Variants in DCC observed in about 807,000 individuals in gnomAD.
The protein encoded by DCC is DCC netrin 1 receptor, also known as netrin receptor DCC.
A neutral mutation model predicts 172.5 loss-of-function variants in DCC; 58 were observed. The observed-to-expected ratio is 0.34, with a 90% CI of 0.27 to 0.42. DCC has a LOEUF of 0.42. DCC is among the 10% of genes least tolerant of loss of function. The probability of loss-of-function intolerance (pLI) is 1.00; values close to 1 mark genes in which losing one functional copy is unlikely to be tolerated. For missense variants in DCC, 1,740 were observed against 1,791.0 expected (o/e 0.97, Z 0.51); for synonymous variants, 709 against 644.5 (o/e 1.10, Z -1.52).
At chr18:52,897,182 T>A (rs1444047435) in intron 2 of DCC, among the ~76,000 whole-genome samples, 1 of 152,216 alleles carries the variant, frequency 6.6e-6, no homozygotes, top group Non-Finnish European at 1.5e-5. Context: ...CTTTCATTGC[T>A]TCAAGGATCT....
At chr18:53,081,548 C>T (rs1204421290) in intron 7 of DCC, among the ~76,000 whole-genome samples, 1 of 152,006 alleles carries the variant, frequency 6.6e-6, no homozygotes, top group Admixed American at 6.6e-5. Flanking sequence ...CCTCCACTCT[C>T]TGTGAAACCT....
chr18:53,529,570 TCAAAAGA>T (rs1910391293), intron 28 of DCC, among the ~76,000 whole-genome samples: 1 of 152,156 alleles, frequency 6.6e-6, no homozygotes, highest in Admixed American at 6.6e-5. Context: ...TCCTAACTCC[TCAAAAGA>T]CAAACTTGTT....
At chr18:52,362,952 G>A (rs1984686232) in intron 1 of DCC, among the ~76,000 whole-genome samples, 1 of 152,022 alleles carries the variant, frequency 6.6e-6, no homozygotes, top group South Asian at 2.1e-4. Flanking sequence ...GGGCTGGAGT[G>A]CAGTGGCGGG....
intron 7 of DCC, among the ~76,000 whole-genome samples, chr18:53,075,479 T>G (rs1343770216): frequency 1.3e-5 from 2 of 152,010 alleles, no homozygotes; most frequent in African/African-American, 4.8e-5. Context: ...TATGGAAAAC[T>G]TGATAGATTC....
At position 52,927,075 on chromosome 18, in the gene DCC, A is replaced by ACG. The variant is rs1300231739; in HGVS notation, c.985+1705_985+1706insCG. On this transcript the variant is annotated intron_variant, in intron 5 of 28. Coordinates refer to ENST00000442544, the MANE Select transcript of DCC (RefSeq NM_005215.4). The stretch of plus-strand genomic sequence containing the variant: ...TATATACACATATATACACACATAT[A>ACG]TGTGTATATACACGTATATACGTGT... Among the ~76,000 whole-genome samples, 17 of 132,940 alleles carry ACG rather than the reference A, an allele frequency of 1.3e-4. 1 individual carries two copies. The highest frequency in any genetic ancestry group is 4.8e-4 in the South Asian group (2 of 4,192). The allele number at this position is 132,940 out of a possible 152,430, so 87.2% of individuals were successfully genotyped here.
At chr18:52,402,163 A>G (rs1986464795) in intron 1 of DCC, among the ~76,000 whole-genome samples, 1 of 151,976 alleles carries the variant, frequency 6.6e-6, no homozygotes, top group African/African-American at 2.4e-5. Flanking sequence ...GTTCTTTCAT[A>G]GTAAGTGAAA....
chr18:52,905,936 A>G, intron 2 of DCC, 108 bp from the exon 3 acceptor site: 1 of 839,218 alleles, frequency 1.2e-6, no homozygotes, highest in Admixed American at 2.0e-5. Context: ...TTGAGAAAAC[A>G]GCTTGTAAAA....
At chr18:52,945,487 G>A (rs1797831663) in intron 5 of DCC, among the ~76,000 whole-genome samples, 1 of 152,142 alleles carries the variant, frequency 6.6e-6, no homozygotes, top group African/African-American at 2.4e-5. Context: ...ATAACTAGAA[G>A]TTCATTTCTA....
At chr18:52,895,859 A>G (rs914881758) in intron 2 of DCC, among the ~76,000 whole-genome samples, 1 of 151,740 alleles carries the variant, frequency 6.6e-6, no homozygotes, top group African/African-American at 2.4e-5. Flanking sequence ...ATCTTGGCTT[A>G]TGGCAATCTC....
chr18:53,388,365 C>T (rs1908313353), intron 16 of DCC, among the ~76,000 whole-genome samples: 1 of 152,348 alleles, frequency 6.6e-6, no homozygotes, highest in Non-Finnish European at 1.5e-5. Context: ...ACGGCATCCT[C>T]TATCTCTAAG....
At chr18:52,983,931 C>T (rs1261284951) in intron 5 of DCC, among the ~76,000 whole-genome samples, 2 of 152,046 alleles carry the variant, frequency 1.3e-5, no homozygotes, top group Non-Finnish European at 2.9e-5. Context: ...TCATATGGCA[C>T]TGAGCTGAGT....
At chr18:53,125,200 C>T (rs976319517) in intron 7 of DCC, among the ~76,000 whole-genome samples, 8 of 151,990 alleles carry the variant, frequency 5.3e-5, no homozygotes, top group Admixed American at 2.0e-4. Flanking sequence ...CTACCAAAGA[C>T]GTATGGATTT....
chr18:53,466,973 T>A (rs555237532), intron 24 of DCC, among the ~76,000 whole-genome samples: 2 of 152,156 alleles, frequency 1.3e-5, no homozygotes, highest in Non-Finnish European at 2.9e-5. Context: ...AATTATGCTG[T>A]TAATTTTTTA....
At chr18:52,438,127 A>G (rs927009406) in intron 1 of DCC, among the ~76,000 whole-genome samples, 2 of 152,210 alleles carry the variant, frequency 1.3e-5, no homozygotes, top group African/African-American at 2.4e-5. Context: ...CCCAGGGGCC[A>G]GAGTTTCTTA....
chr18:52,776,212 TAATA>T (rs1334054620), intron 2 of DCC, among the ~76,000 whole-genome samples: 1 of 152,180 alleles, frequency 6.6e-6, no homozygotes, highest in African/African-American at 2.4e-5. Context: ...AACAATTTTA[TAATA>T]AATACTAGTA....
At chr18:52,764,298 C>T (rs1417439610) in intron 2 of DCC, among the ~76,000 whole-genome samples, 3 of 152,208 alleles carry the variant, frequency 2.0e-5, no homozygotes. Context: ...AGGCATTTGT[C>T]AGAGAGAATC....
intron 12 of DCC, among the ~76,000 whole-genome samples, chr18:53,271,973 T>C (rs575662807): frequency 1.3e-5 from 2 of 152,284 alleles, no homozygotes; most frequent in Non-Finnish European, 1.5e-5. Flanking sequence ...AAAAGGCCAT[T>C]TGTGTGCCCT....
chr18:52,359,347 T>C (rs535488785), intron 1 of DCC, among the ~76,000 whole-genome samples: 1 of 152,340 alleles, frequency 6.6e-6, no homozygotes, highest in Non-Finnish European at 1.5e-5. Context: ...AAATACTTAT[T>C]GCCCACCCAT....
At chr18:52,766,125 T>C (rs62081916) in intron 2 of DCC, among the ~76,000 whole-genome samples, 31,912 of 152,044 alleles carry the variant, frequency 0.21, 4,785 homozygotes, top group African/African-American at 0.42. Flanking sequence ...TTGGTGCCGG[T>C]AGGATCAAAC....
Sources: gnomAD v4.1 joint callset for allele counts (sites outside exome capture counted in the v4.1 genomes callset) on GRCh38, gnomAD v4.1.1 for gene constraint, MANE v1.5 for transcripts, NCBI Gene and HGNC (gene_info 2026-07-23, HGNC 2026-07-21) for gene names.